The following KCNQ1 variants were observed in gnomAD, a reference collection of about 807,000 sequenced individuals.
KCNQ1 encodes potassium voltage-gated channel subfamily KQT member 1.
Under a neutral mutation model 72.4 loss-of-function variants are expected in KCNQ1, and 49 were observed. That is an observed-to-expected ratio of 0.68 (90% CI 0.54 to 0.86). The LOEUF is 0.86. Ranked by LOEUF, KCNQ1 falls within the 40% of genes least tolerant of loss-of-function variation. KCNQ1 has a pLI of 0.00. For missense variants in KCNQ1, 790 were observed against 945.1 expected (o/e 0.84, Z 2.15); for synonymous variants, 450 against 412.6 (o/e 1.09, Z -1.10).
In KCNQ1 at chr11:2,515,506, AGCC is replaced by A. The variant is rs1283811539; in HGVS notation, c.387-12418_387-12416del. 1.4e-5 allele frequency among the ~76,000 whole-genome samples: 2 copies of A among 147,124 alleles called. No individual in the cohort carries two copies. The highest frequency in any genetic ancestry group is 3.0e-5 in the Non-Finnish European group (2 of 66,742). ...ACCACCCTCTGCTCCAGGACAGCGCAGCCGCCATCAGTGGGGGTGAGGGGACAA... is the reference window on the plus strand; with the variant it reads ...ACCACCCTCTGCTCCAGGACAGCGCAGCCATCAGTGGGGGTGAGGGGACAA... On this transcript the variant is annotated intron_variant, in intron 1 of 15. Transcript: ENST00000155840. The surrounding 1 kb of genome is among the most constrained non-coding windows in gnomAD (Gnocchi z 4.7).
Position 2,663,241 on chromosome 11 carries a change from G to A in KCNQ1, c.1514+1160G>A, listed in dbSNP as rs1435884448. ...CTCCAAGGGAGCCAGCAGATCACTG[G>A]AAAGCAGGGGTGACTAGTCATGGAC... On this transcript the variant is annotated intron_variant, in intron 11 of 15. Transcript: ENST00000155840. The surrounding 1 kb of genome is among the most constrained non-coding windows in gnomAD (Gnocchi z 5.2). 5.0e-6 allele frequency: 2 copies of A among 398,624 alleles called. No individual in the cohort carries two copies. Among genetic ancestry groups the A allele is most frequent in the Non-Finnish European group, 8.8e-6 (2 of 226,142 alleles). The allele number at this position is 398,624 out of a possible 1,614,324, so 24.7% of individuals were successfully genotyped here. A position where few individuals can be genotyped will look rare whatever the true frequency, so the allele number is the denominator to read the frequency against.
intron 15 of KCNQ1, among the ~76,000 whole-genome samples, chr11:2,810,311 T>C (rs8181588): frequency 0.12 from 18,118 of 152,236 alleles, 1,843 homozygotes; most frequent in East Asian, 0.42. Flanking sequence ...TTGGAAACTT[T>C]AGTCCTTGAG....
chr11:2,807,042 C>T (rs2134033835), intron 15 of KCNQ1, among the ~76,000 whole-genome samples: 1 of 152,300 alleles, frequency 6.6e-6, no homozygotes, highest in Middle Eastern at 3.4e-3. Context: ...TGCTGGGAGT[C>T]TCGGCTCTTT....
intron 6 of KCNQ1, among the ~76,000 whole-genome samples, chr11:2,580,381 C>A (rs1848481553): frequency 6.6e-6 from 1 of 151,566 alleles, no homozygotes; most frequent in Admixed American, 6.6e-5. Flanking sequence ...AAAACAATTC[C>A]ATATTAATTT....
At position 2,526,151 on chromosome 11, in the gene KCNQ1, G is replaced by A. The variant is rs1847500768; in HGVS notation, c.387-1777G>A. ...CAGGACTGGCAACAAGGGCCGGGAG[G>A]AGCTGGGGTGATCTGGGGCCATCGT... is the stretch of plus-strand genomic sequence containing the variant. On this transcript the variant is annotated intron_variant, in intron 1 of 15. Coordinates refer to ENST00000155840, the MANE Select transcript of KCNQ1 (RefSeq NM_000218.3). The surrounding 1 kb of genome is among the most constrained non-coding windows in gnomAD (Gnocchi z 6.1). 6.6e-6 allele frequency among the ~76,000 whole-genome samples: 1 copy of A among 152,184 alleles called. No homozygotes were observed. The highest frequency in any genetic ancestry group is 2.1e-4 in the South Asian group (1 of 4,828).
rs7943271 is a variant in KCNQ1 at position 2,612,367 on chromosome 11, C to T, written c.1393+23513C>T. On this transcript the variant is annotated intron_variant, in intron 10 of 15. Transcript: ENST00000155840. The surrounding 1 kb of genome is among the most constrained non-coding windows in gnomAD (Gnocchi z 5.5). ...AAAATTGTCTTCCACAAAACTGGTC[C>T]CTCATGCCAAAAAGGTTGGGGACCA... 0.016 allele frequency: 6,389 copies of T among 398,564 alleles called. 337 individuals carry two copies. The highest frequency in any genetic ancestry group is 0.12 in the African/African-American group (5,756 of 48,692). 24.7% of individuals were successfully genotyped at this position (398,564 alleles called of 1,614,324 possible).
At chr11:2,506,972 G>T (rs1210887188) in intron 1 of KCNQ1, among the ~76,000 whole-genome samples, 1 of 152,116 alleles carries the variant, frequency 6.6e-6, no homozygotes, top group Non-Finnish European at 1.5e-5. Context: ...CGTTTGTCTG[G>T]ACTAATGTGA....
rs745330461 is a variant in KCNQ1 at position 2,826,180 on chromosome 11, C to A, written c.1795-21587C>A. Among the ~76,000 whole-genome samples, 1 of 152,192 alleles carries A rather than the reference C, an allele frequency of 6.6e-6. No homozygotes were observed. The highest frequency in any genetic ancestry group is 1.5e-5 in the Non-Finnish European group (1 of 68,042). On this transcript the variant is annotated intron_variant, in intron 15 of 15. Transcript: ENST00000155840. The surrounding 1 kb of genome is among the most constrained non-coding windows in gnomAD (Gnocchi z 4.2). ...TGTCCAGCCCGCAGCAGAACCTCTC[C>A]GAGGGAGTGCTATTGTTTTTCATGT...
In KCNQ1 at chr11:2,588,844, T is replaced by A. The variant is rs794728527; in HGVS notation, c.1383T>A (p.Tyr461Ter). Reference protein sequence around the residue: ...RRLDHFSVDGYDSSVRKSPTL... With the variant: ...RRLDHFSVDG ...TGGACCACTTCTCTGTCGACGGCTA[T>A]GACAGTTCTGGTGAGAACCCCTCAG... The change falls in exon 10 of 16, where the codon TAT (tyrosine) becomes TAA (stop). Residue 461 changes from tyrosine (Y) to a stop codon, truncating the protein, a stop_gained. Coordinates refer to ENST00000155840, the MANE Select transcript of KCNQ1 (RefSeq NM_000218.3). LOFTEE classifies it high-confidence loss of function. This position sits in a 1 kb window ranked among gnomAD's most constrained non-coding sequence, Gnocchi z 5.6. 2 of 1,612,098 alleles carry A rather than the reference T, an allele frequency of 1.2e-6. No individual in the cohort carries two copies. The highest frequency in any genetic ancestry group is 3.3e-5 in the Admixed American group (2 of 59,974).
Position 2,848,327 on chromosome 11 carries a change from T to G in KCNQ1, c.*324T>G, listed in dbSNP as rs1848384390. ...CAGGGCACAGGGCCTGGCCCATGTA[T>G]GGCCAGGAAGTAGCACAGGCTGAGT... On this transcript the variant is annotated 3_prime_UTR_variant, in exon 16 of 16. Transcript: ENST00000155840. The G allele has an allele frequency of 1.7e-6, 1 of 593,028 alleles. No individual in the cohort carries two copies. Among genetic ancestry groups the G allele is most frequent in the Non-Finnish European group, 3.2e-6 (1 of 315,746 alleles). The allele number at this position is 593,028 out of a possible 1,614,324, so 36.7% of individuals were successfully genotyped here.
At position 2,645,087 on chromosome 11, in the gene KCNQ1, C is replaced by T; in HGVS notation, c.1394-16874C>T. 1 of 398,622 alleles carries T rather than the reference C, an allele frequency of 2.5e-6. No individual in the cohort carries two copies. Among genetic ancestry groups the T allele is most frequent in the Non-Finnish European group, 4.4e-6 (1 of 226,126 alleles). The allele number at this position is 398,622 out of a possible 1,614,324, so 24.7% of individuals were successfully genotyped here. A position where few individuals can be genotyped will look rare whatever the true frequency, so the allele number is the denominator to read the frequency against. ...GAGCTGGGCCACAGGGTGGGTAGGT[C>T]CTTGAGCTCTGAGCAGCAGATATGG... On this transcript the variant is annotated intron_variant, in intron 10 of 15. Transcript: ENST00000155840. The surrounding 1 kb of genome is among the most constrained non-coding windows in gnomAD (Gnocchi z 5.8).
At chr11:2,778,157 C>T (rs1303147240) in intron 15 of KCNQ1, 120 bp downstream of exon 15, 6 of 944,834 alleles carry the variant, frequency 6.4e-6, no homozygotes, top group Non-Finnish European at 1.0e-5. Context: ...CCCGCCAGTG[C>T]CTACTGCAGC....
At position 2,695,632 on chromosome 11, in the gene KCNQ1, T is replaced by C; in HGVS notation, c.1514+33551T>C. On this transcript the variant is annotated intron_variant, in intron 11 of 15. Coordinates refer to ENST00000155840, the MANE Select transcript of KCNQ1 (RefSeq NM_000218.3). The surrounding 1 kb of genome is among the most constrained non-coding windows in gnomAD (Gnocchi z 5.2). ...CAGCATGTTTACTTAGGAGGGAAAC[T>C]GCTGGGCCACAGGTATAAAATATTT... is the stretch of plus-strand genomic sequence containing the variant. 5.0e-6 allele frequency: 2 copies of C among 398,600 alleles called. No homozygotes were observed. Among genetic ancestry groups the C allele is most frequent in the East Asian group, 3.6e-5 (1 of 28,072 alleles). 24.7% of individuals were successfully genotyped at this position (398,600 alleles called of 1,614,324 possible).
At position 2,478,536 on chromosome 11, in the gene KCNQ1, C is replaced by T. The variant is rs536003948; in HGVS notation, c.386+33052C>T. ...CACAAAGGGTTTCCCCTTATAAAACCATCAGATCTCGTGAGACTTATTCAT... is the reference window on the plus strand; with the variant it reads ...CACAAAGGGTTTCCCCTTATAAAACTATCAGATCTCGTGAGACTTATTCAT... On this transcript the variant is annotated intron_variant, in intron 1 of 15. Transcript: ENST00000155840. This position sits in a 1 kb window ranked among gnomAD's most constrained non-coding sequence, Gnocchi z 4.0. 1.3e-5 allele frequency among the ~76,000 whole-genome samples: 2 copies of T among 152,168 alleles called. No individual in the cohort carries two copies. Among genetic ancestry groups the T allele is most frequent in the East Asian group, 3.9e-4 (2 of 5,176 alleles).
chr11:2,814,922 G>A (rs908191800), intron 15 of KCNQ1, among the ~76,000 whole-genome samples: 4 of 152,228 alleles, frequency 2.6e-5, no homozygotes, highest in Non-Finnish European at 4.4e-5. Flanking sequence ...TGCCTCTGGA[G>A]CCTGGCCTGG....
Position 2,674,832 on chromosome 11 carries a change from TAAA to T in KCNQ1, c.1514+12777_1514+12779del, listed in dbSNP as rs34219164. 0.028 allele frequency: 8,235 copies of T among 290,378 alleles called. No homozygotes were observed. Among genetic ancestry groups the T allele is most frequent in the Middle Eastern group, 0.032 (39 of 1,210 alleles). The allele number at this position is 290,378 out of a possible 1,614,324, so 18.0% of individuals were successfully genotyped here. ...GCTTGTCACCCTAATAGCTGTTTTT[TAAA>T]AAAAAAAAAAAAAAAAAAAAAAAAA... On this transcript the variant is annotated intron_variant, in intron 11 of 15. Coordinates refer to ENST00000155840, the MANE Select transcript of KCNQ1 (RefSeq NM_000218.3). The surrounding 1 kb of genome is among the most constrained non-coding windows in gnomAD (Gnocchi z 5.9).
At chr11:2,534,608 G>T (rs2133663920) in intron 2 of KCNQ1, among the ~76,000 whole-genome samples, 1 of 152,342 alleles carries the variant, frequency 6.6e-6, no homozygotes, top group African/African-American at 2.4e-5. Flanking sequence ...GGTTGCCCAG[G>T]GACGGGGGTA....
Position 2,805,284 on chromosome 11 carries a change from AG to A in KCNQ1, c.1794+27250del. Among the ~76,000 whole-genome samples the A allele has an allele frequency of 2.0e-5, 3 of 152,348 alleles. No homozygotes were observed. The South Asian group carries it at 6.2e-4, about 32-fold the overall frequency. On this transcript the variant is annotated intron_variant, in intron 15 of 15. Transcript: ENST00000155840. ...GGGAGAGCAAAGGCTGCAGCTGCAC[AG>A]GGCCCCTCCCTGCCTGCCCAAAGCT...
chr11:2,518,224 C>A (rs1414973406), intron 1 of KCNQ1, among the ~76,000 whole-genome samples: 2 of 152,250 alleles, frequency 1.3e-5, no homozygotes, highest in South Asian at 2.1e-4. Flanking sequence ...GGCTGCCTGG[C>A]GGTCCATGAA....
Sources: allele counts gnomAD v4.1 joint callset (sites outside exome capture counted in the v4.1 genomes callset), GRCh38; gene constraint gnomAD v4.1.1; non-coding constraint Gnocchi (gnomAD v3.1); transcripts MANE v1.5; gene names NCBI Gene and HGNC (gene_info 2026-07-23, HGNC 2026-07-21).